KDM5A: variants seen among roughly 807,000 people sequenced by gnomAD.
KDM5A encodes lysine demethylase 5A, also known as lysine-specific demethylase 5A.
In KDM5A, 42 loss-of-function variants were observed where a neutral mutation model predicts 193.5. That is an observed-to-expected ratio of 0.22 (90% confidence interval 0.17 to 0.28). The LOEUF (loss-of-function observed/expected upper bound fraction) is 0.28. Among genes scored for constraint, KDM5A ranks in the 10% least tolerant of loss-of-function variants. KDM5A has a pLI of 1.00. For synonymous variants in KDM5A, 796 were observed against 718.1 expected (o/e 1.11, Z -1.73); for missense variants, 1,692 against 2,055.1 (o/e 0.82, Z 3.42).
intron 3 of KDM5A, among the ~76,000 whole-genome samples, chr12:382,650 G>A (rs1944588485): frequency 6.6e-6 from 1 of 151,600 alleles, no homozygotes; most frequent in African/African-American, 2.4e-5. Context: ...ATTTTAGCCG[G>A]GCGCGGTGGC....
At chr12:309,718 A>G (rs1943558696) in intron 22 of KDM5A, 85 bp downstream of exon 22, 5 of 1,430,228 alleles carry the variant, frequency 3.5e-6, no homozygotes, top group Non-Finnish European at 4.9e-6. Flanking sequence ...TAAAAAGTTA[A>G]AAACATAAAA....
Position 366,206 on chromosome 12 carries a change from T to G in KDM5A, c.367-102A>C, listed in dbSNP as rs1944355152. ...TAGAAAAATTATTCAGGGCTTAAATTTCAAATTTCCTTTCAATGAGTATCT... is the reference window on the plus strand; with the variant it reads ...TAGAAAAATTATTCAGGGCTTAAATGTCAAATTTCCTTTCAATGAGTATCT... On this transcript the variant is annotated intron_variant, in intron 3 of 27. Transcript: ENST00000399788. The G allele has an allele frequency of 1.1e-5, 11 of 1,023,980 alleles. No homozygotes were observed. The South Asian group carries it at 1.6e-4, about 14-fold the overall frequency. The allele number at this position is 1,023,980 out of a possible 1,614,324, so 63.4% of individuals were successfully genotyped here.
At position 384,261 on chromosome 12, in the gene KDM5A, T is replaced by C. The variant is rs117908763; in HGVS notation, c.244-108A>G. 4.0e-3 allele frequency: 3,313 copies of C among 835,012 alleles called. 103 individuals are homozygous for C. The East Asian group carries it at 0.069, about 17-fold the overall frequency. The allele number at this position is 835,012 out of a possible 1,614,324, so 51.7% of individuals were successfully genotyped here. ...TGTGGACCAGTACCCATCAGCGGCC[T>C]GTTAGGAACCCAGCCACACAGCAGG... is the stretch of plus-strand genomic sequence containing the variant. On this transcript the variant is annotated intron_variant, in intron 2 of 27. Coordinates refer to ENST00000399788, the MANE Select transcript of KDM5A (RefSeq NM_001042603.3).
chr12:319,878 G>T (rs1192497807), intron 18 of KDM5A, among the ~76,000 whole-genome samples: 2 of 152,192 alleles, frequency 1.3e-5, no homozygotes, highest in African/African-American at 4.8e-5. Context: ...GGCTGGAGAT[G>T]TGGGATTGAA....
At chr12:385,057 G>A (rs753272180) in intron 2 of KDM5A, among the ~76,000 whole-genome samples, 11 of 151,828 alleles carry the variant, frequency 7.2e-5, no homozygotes, top group Non-Finnish European at 1.6e-4. Context: ...GGGCATGGTC[G>A]CTGTAATCCC....
At chr12:329,328 G>C (rs1239955356) in intron 13 of KDM5A, among the ~76,000 whole-genome samples, 1 of 152,056 alleles carries the variant, frequency 6.6e-6, no homozygotes, top group African/African-American at 2.4e-5. Flanking sequence ...AACTGAGGCA[G>C]CAAACTCTTT....
At chr12:374,794 G>C (rs2137484396) in intron 3 of KDM5A, among the ~76,000 whole-genome samples, 1 of 152,224 alleles carries the variant, frequency 6.6e-6, no homozygotes, top group African/African-American at 2.4e-5. Context: ...CTCAGCATTT[G>C]CTTGTCTGTA....
intron 5 of KDM5A, among the ~76,000 whole-genome samples, chr12:360,989 C>A (rs1260452606): frequency 6.6e-6 from 1 of 152,012 alleles, no homozygotes; most frequent in Non-Finnish European, 1.5e-5. Flanking sequence ...GTGTACGGGG[C>A]AAGAAGCTGA....
chr12:280,309 G>A lies in KDM5A; in HGVS notation c.*5147C>T, dbSNP rs1029623422. 1 of 232,566 alleles carries A rather than the reference G, an allele frequency of 4.3e-6. No homozygotes were observed. Among genetic ancestry groups the A allele is most frequent in the African/African-American group, 2.2e-5 (1 of 45,168 alleles). The allele number at this position is 232,566 out of a possible 1,614,324, so 14.4% of individuals were successfully genotyped here. A position where few individuals can be genotyped will look rare whatever the true frequency, so the allele number is the denominator to read the frequency against. ...CCATTTATTGGTATCAACCACAATA[G>A]CAAGACCCCCAAGAAATACTTGATC... On this transcript the variant is annotated 3_prime_UTR_variant, in exon 28 of 28. Transcript: ENST00000399788.
chr12:310,177 G>A (rs1221959762), intron 21 of KDM5A, among the ~76,000 whole-genome samples: 1 of 152,148 alleles, frequency 6.6e-6, no homozygotes, highest in East Asian at 1.9e-4. Flanking sequence ...GGCTCAGGAA[G>A]GAAATAACTT....
At chr12:295,059 T>G (rs1457844848) in intron 26 of KDM5A, among the ~76,000 whole-genome samples, 1 of 152,148 alleles carries the variant, frequency 6.6e-6, no homozygotes, top group Non-Finnish European at 1.5e-5. Flanking sequence ...TTCCCCTATC[T>G]CTGAGCCCTC....
rs1173055959 is a variant in KDM5A at position 295,798 on chromosome 12, C to G, written c.4235-5G>C. The G allele has an allele frequency of 6.2e-7, 1 of 1,613,080 alleles. No individual in the cohort carries two copies. The highest frequency in any genetic ancestry group is 2.2e-5 in the East Asian group (1 of 44,872). The stretch of plus-strand genomic sequence containing the variant: ...GTTTCCTTGGGGTGCTAGAACCTTT[C>G]CCAAAAAATACCATAAAACAAAGCA... On this transcript the variant is annotated splice_polypyrimidine_tract_variant and splice_region_variant and intron_variant, in intron 25 of 27. Transcript: ENST00000399788.
At chr12:376,349 G>A (rs1213804671) in intron 3 of KDM5A, among the ~76,000 whole-genome samples, 6 of 152,162 alleles carry the variant, frequency 3.9e-5, no homozygotes, top group South Asian at 2.1e-4. Context: ...AGCAATGAGC[G>A]AGGCTCCGTG....
chr12:323,040 ACAAT>A (rs756474191), intron 16 of KDM5A, 38 bp downstream of exon 16: 21 of 1,612,210 alleles, frequency 1.3e-5, no homozygotes, highest in African/African-American at 2.7e-5. Flanking sequence ...TTTTAAAGTG[ACAAT>A]CAATTCAGTA....
chr12:328,181 A>G (rs953752672), intron 14 of KDM5A, among the ~76,000 whole-genome samples: 17 of 152,234 alleles, frequency 1.1e-4, no homozygotes, highest in African/African-American at 4.1e-4. Context: ...TTTATTACAC[A>G]TCAATTATGC....
intron 10 of KDM5A, among the ~76,000 whole-genome samples, chr12:342,646 G>T (rs1449580928): frequency 3.9e-5 from 6 of 151,934 alleles, no homozygotes; most frequent in Non-Finnish European, 8.8e-5. Context: ...TTTTTTAGTA[G>T]AGACAGGGTT....
intron 3 of KDM5A, among the ~76,000 whole-genome samples, chr12:382,992 GTTTT>G (rs1050420221): frequency 6.8e-6 from 1 of 146,564 alleles, no homozygotes; most frequent in African/African-American, 2.5e-5. Context: ...AGGTCAGTTA[GTTTT>G]TTTTTTTCAC....
At chr12:349,598 G>A (rs1944124864) in intron 10 of KDM5A, among the ~76,000 whole-genome samples, 1 of 151,974 alleles carries the variant, frequency 6.6e-6, no homozygotes, top group Non-Finnish European at 1.5e-5. Context: ...AAAGTGCTGG[G>A]ATTACAGGCG....
At chr12:320,896 C>G (rs1943708821) in intron 18 of KDM5A, 99 bp downstream of exon 18, 2 of 872,772 alleles carry the variant, frequency 2.3e-6, no homozygotes, top group Non-Finnish European at 1.9e-6. Flanking sequence ...AAAAAAAAAT[C>G]AGAGCAAAAA....
Sources: gnomAD v4.1 joint callset for allele counts (sites outside exome capture counted in the v4.1 genomes callset) on GRCh38, gnomAD v4.1.1 for gene constraint, MANE v1.5 for transcripts, NCBI Gene and HGNC (gene_info 2026-07-23, HGNC 2026-07-21) for gene names.